Variants in ASAP2 observed in about 807,000 individuals in gnomAD.
ASAP2 encodes arf-GAP with SH3 domain, ANK repeat and PH domain-containing protein 2.
A neutral mutation model predicts 131.4 loss-of-function variants in ASAP2; 45 were observed. That is an observed-to-expected ratio of 0.34 (90% CI 0.27 to 0.44). The LOEUF (loss-of-function observed/expected upper bound fraction) is 0.44, where lower values mean the gene tolerates loss of function less well. Among genes scored for constraint, ASAP2 ranks in the 20% least tolerant of loss-of-function variants. The pLI, the probability that ASAP2 is intolerant of heterozygous loss-of-function variation, is 1.00. For synonymous variants in ASAP2, 510 were observed against 503.0 expected (o/e 1.01, Z -0.19); for missense variants, 1,011 against 1,297.0 (o/e 0.78, Z 3.39).
chr2:9,400,982 G>T lies in ASAP2; in HGVS notation c.2823+152G>T, dbSNP rs1676613815. 3 of 861,526 alleles carry T rather than the reference G, an allele frequency of 3.5e-6. No homozygotes were observed. In the South Asian group the frequency reaches 5.1e-5, roughly 15 times the overall value. 53.4% of individuals were successfully genotyped at this position (861,526 alleles called of 1,614,324 possible). A position where few individuals can be genotyped will look rare whatever the true frequency, so the allele number is the denominator to read the frequency against. On this transcript the variant is annotated intron_variant, in intron 26 of 27. Coordinates refer to ENST00000281419, the MANE Select transcript of ASAP2 (RefSeq NM_003887.3). Reference sequence around the variant, plus strand: ...GTACCTGACTGCTTGGATCTGGGCAGCTGGTGGGTTTGGCCCTCCTGCCGC... The same window carrying T: ...GTACCTGACTGCTTGGATCTGGGCATCTGGTGGGTTTGGCCCTCCTGCCGC...
intron 16 of ASAP2, among the ~76,000 whole-genome samples, chr2:9,371,395 G>GAT (rs1415686914): frequency 2.0e-5 from 3 of 152,140 alleles, no homozygotes; most frequent in African/African-American, 7.2e-5. Context: ...TTTTCCCACC[G>GAT]TAATATGTTG....
In ASAP2 at chr2:9,206,999, G is replaced by C. The variant is rs1038102012; in HGVS notation, c.-106G>C. 124 of 1,036,166 alleles carry C rather than the reference G, an allele frequency of 1.2e-4. No homozygotes were observed. Among genetic ancestry groups the C allele is most frequent in the Middle Eastern group, 8.3e-4 (2 of 2,408 alleles). The allele number at this position is 1,036,166 out of a possible 1,614,324, so 64.2% of individuals were successfully genotyped here. On this transcript the variant is annotated 5_prime_UTR_variant, in exon 1 of 28. Transcript: ENST00000281419. The surrounding 1 kb of genome is among the most constrained non-coding windows in gnomAD (Gnocchi z 4.0). ...GGCGCTCCCCTTTGTCCGCGGGCCG[G>C]AGCGGCGGCGGCAGCGGCGGTGTCC...
chr2:9,321,330 C>T (rs567976140), intron 5 of ASAP2, among the ~76,000 whole-genome samples: 29 of 152,228 alleles, frequency 1.9e-4, no homozygotes, highest in African/African-American at 5.8e-4. Flanking sequence ...TTTCCATACC[C>T]GAGGTTGCTT....
chr2:9,299,089 A>G lies in ASAP2; in HGVS notation c.345+1644A>G, dbSNP rs1572386390. On this transcript the variant is annotated intron_variant, in intron 3 of 27. Coordinates refer to ENST00000281419, the MANE Select transcript of ASAP2 (RefSeq NM_003887.3). ...ATTAATTCTCAAGGCCCAGCATCCA[A>G]CTGGCAGGTGTTTTAGAAAGAGAGA... 2.0e-5 allele frequency among the ~76,000 whole-genome samples: 3 copies of G among 152,216 alleles called. No homozygotes were observed. In the South Asian group the frequency reaches 6.2e-4, roughly 32 times the overall value.
At position 9,359,015 on chromosome 2, in the gene ASAP2, A is replaced by G. The variant is rs1183794508; in HGVS notation, c.1461+126A>G. On this transcript the variant is annotated intron_variant, in intron 15 of 27. Coordinates refer to ENST00000281419, the MANE Select transcript of ASAP2 (RefSeq NM_003887.3). ...ATATGTTGCCAGATTGGTTTGGATA[A>G]TTAGAAACTCATTGATAATTCTTCA... 6.8e-6 allele frequency: 8 copies of G among 1,172,034 alleles called. No homozygotes were observed. The East Asian group carries it at 1.7e-4, about 25-fold the overall frequency. 72.6% of individuals were successfully genotyped at this position (1,172,034 alleles called of 1,614,324 possible).
intron 1 of ASAP2, among the ~76,000 whole-genome samples, chr2:9,238,241 C>G (rs185837766): frequency 1.3e-5 from 2 of 152,338 alleles, no homozygotes; most frequent in Admixed American, 1.3e-4. Context: ...TTTAAAACCT[C>G]AGCTCCTCTA....
chr2:9,334,200 TG>T (rs943883301), intron 7 of ASAP2, among the ~76,000 whole-genome samples: 1 of 130,694 alleles, frequency 7.7e-6, no homozygotes, highest in African/African-American at 3.0e-5. Context: ...TTTTTGTATT[TG>T]TTTTTTTTTT....
intron 1 of ASAP2, among the ~76,000 whole-genome samples, chr2:9,223,797 G>T (rs187989888): frequency 3.9e-5 from 6 of 152,130 alleles, no homozygotes; most frequent in Non-Finnish European, 8.8e-5. Context: ...TGGGAGGGAG[G>T]GGAAGAGAGG....
In ASAP2 at chr2:9,395,594, CTTTTTTTTTTTTTTT is replaced by C; in HGVS notation, c.2684+1964_2684+1978del. Among the ~76,000 whole-genome samples the C allele has an allele frequency of 2.0e-4, 12 of 59,056 alleles. No homozygotes were observed. In the East Asian group the frequency reaches 5.5e-3, roughly 27 times the overall value. The allele number at this position is 59,056 out of a possible 152,430, so 38.7% of individuals were successfully genotyped here. On this transcript the variant is annotated intron_variant, in intron 24 of 27. Transcript: ENST00000281419. ...GTTTTGTTTTTCTTGTGTTTTTTTT[CTTTTTTTTTTTTTTT>C]TTTTTTTTTTTTTTTTGAGATGGAG...
At chr2:9,250,193 T>C (rs552294986) in intron 1 of ASAP2, among the ~76,000 whole-genome samples, 47 of 152,332 alleles carry the variant, frequency 3.1e-4, no homozygotes, top group African/African-American at 1.1e-3. Context: ...TTTAACACGC[T>C]GCCTGACACA....
At chr2:9,367,352 G>A (rs1201700570) in intron 15 of ASAP2, among the ~76,000 whole-genome samples, 2 of 152,098 alleles carry the variant, frequency 1.3e-5, no homozygotes, top group Non-Finnish European at 2.9e-5. Context: ...AATCAATAGA[G>A]AGCAGAAATA....
intron 3 of ASAP2, among the ~76,000 whole-genome samples, chr2:9,306,371 G>A (rs547184379): frequency 4.0e-5 from 6 of 151,848 alleles, no homozygotes; most frequent in East Asian, 3.9e-4. Context: ...CAGCCGTGTC[G>A]GCTTGGGTGC....
chr2:9,301,728 G>T (rs1409218729), intron 3 of ASAP2, among the ~76,000 whole-genome samples: 1 of 152,038 alleles, frequency 6.6e-6, no homozygotes, highest in African/African-American at 2.4e-5. Flanking sequence ...TGCAGCATGA[G>T]ATCTGAGGTG....
chr2:9,317,319 A>T (rs968716490), intron 3 of ASAP2, among the ~76,000 whole-genome samples: 14 of 96,310 alleles, frequency 1.5e-4, no homozygotes, highest in Middle Eastern at 8.5e-3. Context: ...ACATCCACTC[A>T]CACAATCATA....
chr2:9,295,545 G>A (rs1403847870), intron 2 of ASAP2, among the ~76,000 whole-genome samples: 1 of 152,116 alleles, frequency 6.6e-6, no homozygotes, highest in East Asian at 1.9e-4. Context: ...AGCTGACGCC[G>A]CAGGCCCAGC....
intron 19 of ASAP2, among the ~76,000 whole-genome samples, chr2:9,379,410 A>T (rs978175948): frequency 6.6e-6 from 1 of 152,146 alleles, no homozygotes; most frequent in Admixed American, 6.5e-5. Context: ...ACCTGAGGCC[A>T]CACTTGGCCC....
intron 8 of ASAP2, 96 bp from the exon 9 acceptor site, chr2:9,334,997 C>T (rs563760928): frequency 2.0e-5 from 28 of 1,398,106 alleles, no homozygotes; most frequent in Middle Eastern, 3.6e-4. Flanking sequence ...AGGCAGTTGT[C>T]GCATTGTGTG....
chr2:9,270,854 G>T (rs1211750452), intron 1 of ASAP2, among the ~76,000 whole-genome samples: 2 of 136,552 alleles, frequency 1.5e-5, no homozygotes, highest in Non-Finnish European at 3.1e-5. Flanking sequence ...GTGCAGTGGC[G>T]CGATCTCGGC....
At chr2:9,364,454 G>C (rs1673305144) in intron 15 of ASAP2, among the ~76,000 whole-genome samples, 1 of 152,176 alleles carries the variant, frequency 6.6e-6, no homozygotes, top group Non-Finnish European at 1.5e-5. Flanking sequence ...ATAGTGAACT[G>C]AGATTGTGCC....
Sources: gnomAD v4.1 joint callset for allele counts (sites outside exome capture counted in the v4.1 genomes callset) on GRCh38, gnomAD v4.1.1 for gene constraint, Gnocchi (gnomAD v3.1) non-coding constraint, MANE v1.5 for transcripts, NCBI Gene and HGNC (gene_info 2026-07-23, HGNC 2026-07-21) for gene names.